ANXA11: variants seen among roughly 807,000 people sequenced by gnomAD.
ANXA11 encodes the protein annexin A11.
A neutral mutation model predicts 64.7 loss-of-function variants in ANXA11; 57 were observed. The ratio of observed to expected loss-of-function variants is 0.88; its 90% CI spans 0.71 to 1.10. The LOEUF (loss-of-function observed/expected upper bound fraction) is 1.10, where lower values mean the gene tolerates loss of function less well. ANXA11 is among the 50% of genes least tolerant of loss of function. The pLI is 0.00. For synonymous variants in ANXA11, 260 were observed against 265.2 expected (o/e 0.98, Z 0.19); for missense variants, 675 against 670.7 (o/e 1.01, Z -0.07).
At chr10:80,173,494 G>C (rs1846056835) in intron 2 of ANXA11, among the ~76,000 whole-genome samples, 1 of 152,208 alleles carries the variant, frequency 6.6e-6, no homozygotes, top group African/African-American at 2.4e-5. Context: ...TGCAGTAGAG[G>C]CTGCTGATTA....
chr10:80,158,103 C>G (rs1845351277), intron 13 of ANXA11, 78 bp from the exon 14 acceptor site: 2 of 1,342,522 alleles, frequency 1.5e-6, no homozygotes, highest in Non-Finnish European at 2.1e-6. Flanking sequence ...TACAAGTGTC[C>G]TCTTAGAGGC....
intron 1 of ANXA11, among the ~76,000 whole-genome samples, chr10:80,200,387 T>C (rs1162802934): frequency 6.6e-6 from 1 of 152,358 alleles, no homozygotes. Flanking sequence ...TCCTTGGCCA[T>C]GTATTCTCCT....
At chr10:80,184,700 G>C (rs1846478221) in intron 1 of ANXA11, among the ~76,000 whole-genome samples, 1 of 152,184 alleles carries the variant, frequency 6.6e-6, no homozygotes. Flanking sequence ...GGAAGAGTAT[G>C]AGCTTGGAAT....
chr10:80,180,259 T>C (rs559828302), intron 1 of ANXA11, among the ~76,000 whole-genome samples: 3 of 152,278 alleles, frequency 2.0e-5, no homozygotes, highest in African/African-American at 7.2e-5. Context: ...GCTGTGTCTC[T>C]ACCCAACAAT....
chr10:80,163,269 T>C (rs1845585671), intron 11 of ANXA11, 80 bp downstream of exon 11: 2 of 1,528,048 alleles, frequency 1.3e-6, no homozygotes, highest in South Asian at 2.3e-5. Context: ...CTTTCCACCC[T>C]AGGGTACCTC....
chr10:80,167,690 G>T (rs4633405), intron 5 of ANXA11, among the ~76,000 whole-genome samples: 10,950 of 152,254 alleles, frequency 0.072, 582 homozygotes, highest in South Asian at 0.2. Flanking sequence ...GCACATGTGA[G>T]CACACATGGG....
chr10:80,196,406 G>A (rs1840171545), intron 1 of ANXA11, among the ~76,000 whole-genome samples: 1 of 152,128 alleles, frequency 6.6e-6, no homozygotes, highest in African/African-American at 2.4e-5. Flanking sequence ...AATACTGGCA[G>A]GAACCCCGGT....
intron 7 of ANXA11, chr10:80,166,434 G>A: frequency 1.9e-6 from 1 of 515,672 alleles, no homozygotes; most frequent in South Asian, 2.4e-5. Flanking sequence ...GAGAAGCACT[G>A]GGCTAGAACA....
rs185059639 is a variant in ANXA11 at position 80,161,557 on chromosome 10, C to A, written c.1180+378G>T. The stretch of plus-strand genomic sequence containing the variant: ...CCACCACCTGACAGACTGACCCATG[C>A]GGGAGCGCGATTTACATCTGTTGAA... On this transcript the variant is annotated intron_variant, in intron 12 of 15. Transcript: ENST00000422982. Among the ~76,000 whole-genome samples, 13 of 152,364 alleles carry A rather than the reference C, an allele frequency of 8.5e-5. 1 individual carries two copies. The East Asian group carries it at 1.5e-3, about 18-fold the overall frequency.
chr10:80,180,481 T>C (rs1444769325), intron 1 of ANXA11, among the ~76,000 whole-genome samples: 1 of 151,678 alleles, frequency 6.6e-6, no homozygotes, highest in Non-Finnish European at 1.5e-5. Flanking sequence ...GGCAAGGGCC[T>C]AGAAACATCA....
At chr10:80,174,570 C>A in intron 2 of ANXA11, among the ~76,000 whole-genome samples, 1 of 149,940 alleles carries the variant, frequency 6.7e-6, no homozygotes. Context: ...AGCCACCATG[C>A]CTGGCCTACT....
intron 11 of ANXA11, 54 bp from the exon 12 acceptor site, chr10:80,162,082 C>T: frequency 1.4e-6 from 2 of 1,441,912 alleles, no homozygotes. Flanking sequence ...GACCCCAGGC[C>T]CAGGTCACCC....
In ANXA11 at chr10:80,163,420, G is replaced by C. The variant is rs377735047; in HGVS notation, c.1030-15C>G. 1.2e-6 allele frequency: 2 copies of C among 1,614,092 alleles called. No homozygotes were observed. The highest frequency in any genetic ancestry group is 1.7e-6 in the Non-Finnish European group (2 of 1,180,022). On this transcript the variant is annotated splice_polypyrimidine_tract_variant and intron_variant, in intron 10 of 15. Coordinates refer to ENST00000422982, the MANE Select transcript of ANXA11 (RefSeq NM_145868.2). Reference sequence around the variant, plus strand: ...TCACGGTTTCCCTGAAAGGAAGCAGGTGTATGGTCATGCCCACTCCTTCCC... The same window carrying C: ...TCACGGTTTCCCTGAAAGGAAGCAGCTGTATGGTCATGCCCACTCCTTCCC...
chr10:80,169,055 G>A lies in ANXA11; in HGVS notation c.475C>T (p.Pro159Ser). Residue 159 changes from proline to serine, a missense_variant, in exon 5 of 16, where the codon CCA (proline) becomes TCA (serine). By Grantham distance (74) the Pro-to-Ser change is moderately conservative. Coordinates refer to ENST00000422982, the MANE Select transcript of ANXA11 (RefSeq NM_145868.2). ...PVTYPGQPPV[P>S]LPGQQQPVPS... ...ACTGGCTGCTGCTGCCCAGGGAGTG[G>A]CACTGGAGGCTGACCAGGGTAGGTC... 6.5e-7 allele frequency: 1 copy of A among 1,540,426 alleles called. No individual in the cohort carries two copies. Among genetic ancestry groups the A allele is most frequent in the Non-Finnish European group, 8.7e-7 (1 of 1,149,556 alleles).
In ANXA11 at chr10:80,166,428, A is replaced by C. The variant is rs1589424153; in HGVS notation, c.745-231T>G. 9 of 526,180 alleles carry C rather than the reference A, an allele frequency of 1.7e-5. No homozygotes were observed. The East Asian group carries it at 2.6e-4, about 15-fold the overall frequency. The allele number at this position is 526,180 out of a possible 1,614,324, so 32.6% of individuals were successfully genotyped here. ...ATCGGTGACACAATGAAGTTTGAGA[A>C]GCACTGGGCTAGAACACGAATCTAA... On this transcript the variant is annotated intron_variant, in intron 7 of 15. Transcript: ENST00000422982.
chr10:80,159,294 G>A (rs1845412696), intron 12 of ANXA11, 99 bp from the exon 13 acceptor site: 3 of 941,058 alleles, frequency 3.2e-6, no homozygotes, highest in East Asian at 2.4e-5. Context: ...ATATAACCGT[G>A]TTTGGAGATA....
Position 80,164,123 on chromosome 10 carries a change from G to A in ANXA11, c.879C>T (p.Ala293=). The change falls in exon 9 of 16, where the codon GCC becomes GCT. Residue 293 remains alanine, a synonymous_variant. Transcript: ENST00000422982. The stretch of plus-strand genomic sequence containing the variant: ...GGGAAGCGAGGATCTCAATCAGGCA[G>A]GCTTCATCAGTGCCAACCCCCTGCA... ...EAIKGVGTDE[A]CLIEILASRS... The A allele has an allele frequency of 6.2e-7, 1 of 1,614,142 alleles. No individual in the cohort carries two copies. Among genetic ancestry groups the A allele is most frequent in the Non-Finnish European group, 8.5e-7 (1 of 1,179,986 alleles).
chr10:80,194,579 G>T (rs190156188), intron 1 of ANXA11, among the ~76,000 whole-genome samples: 1 of 152,208 alleles, frequency 6.6e-6, no homozygotes, highest in East Asian at 1.9e-4. Flanking sequence ...GGAGCATAGG[G>T]GCGTCTGAGA....
intron 2 of ANXA11, 196 bp from the exon 3 acceptor site, chr10:80,173,065 T>C (rs1589432456): frequency 1.8e-6 from 1 of 557,620 alleles, no homozygotes; most frequent in East Asian, 3.2e-5. Context: ...CCCACCAGCA[T>C]GCTGCCTGAC....
Sources: allele counts gnomAD v4.1 joint callset (sites outside exome capture counted in the v4.1 genomes callset), GRCh38; gene constraint gnomAD v4.1.1; transcripts MANE v1.5; gene names NCBI Gene and HGNC (gene_info 2026-07-23, HGNC 2026-07-21).